ZNF423: variants seen among roughly 807,000 people sequenced by gnomAD.
ZNF423 encodes the protein Ebf-associated zinc finger protein.
ZNF423 carries 12 observed loss-of-function variants against 95.8 expected under a neutral mutation model. The observed-to-expected ratio is 0.13, with a 90% confidence interval of 0.08 to 0.20. The LOEUF (loss-of-function observed/expected upper bound fraction) is 0.20, where lower values mean the gene tolerates loss of function less well. Among genes scored for constraint, ZNF423 ranks in the 10% least tolerant of loss-of-function variants. The pLI is 1.00. For missense variants in ZNF423, 1,316 were observed against 1,737.1 expected (o/e 0.76, Z 4.31); for synonymous variants, 749 against 711.9 (o/e 1.05, Z -0.83).
chr16:49,768,896 C>T (rs891968282), intron 2 of ZNF423, among the ~76,000 whole-genome samples: 7 of 152,190 alleles, frequency 4.6e-5, no homozygotes, highest in Non-Finnish European at 8.8e-5. Context: ...TTTTGAGCCA[C>T]ACCATCCACA....
intron 1 of ZNF423, among the ~76,000 whole-genome samples, chr16:49,819,575 A>G (rs532366745): frequency 6.6e-6 from 1 of 152,094 alleles, no homozygotes; most frequent in South Asian, 2.1e-4. Flanking sequence ...CAGCCTCCCA[A>G]GTAGCTGGGA....
intron 5 of ZNF423, among the ~76,000 whole-genome samples, chr16:49,599,646 T>C (rs1971294677): frequency 6.6e-6 from 1 of 152,078 alleles, no homozygotes; most frequent in Non-Finnish European, 1.5e-5. Flanking sequence ...TTTCCCATAT[T>C]CACACAGTGC....
rs145525922 is a variant in ZNF423 at position 49,750,315 on chromosome 16, T to C, written c.101-19344A>G. On this transcript the variant is annotated intron_variant, in intron 2 of 7. Transcript: ENST00000563137. ...TGTCACTAACATTTAAATATGGGGC[T>C]TCAAGTCATCACCCTCCAGGGGCCA... is the stretch of plus-strand genomic sequence containing the variant. Among the ~76,000 whole-genome samples, 22 of 152,296 alleles carry C rather than the reference T, an allele frequency of 1.4e-4. No homozygotes were observed. In the East Asian group the frequency reaches 4.1e-3, roughly 28 times the overall value.
At chr16:49,700,210 A>AG (rs1567298648) in intron 3 of ZNF423, among the ~76,000 whole-genome samples, 4 of 135,442 alleles carry the variant, frequency 3.0e-5, no homozygotes, top group South Asian at 2.5e-4. Flanking sequence ...AAAAAAAAAA[A>AG]AAAAAAACAA....
At chr16:49,505,687 A>G (rs1967605336) in intron 7 of ZNF423, among the ~76,000 whole-genome samples, 1 of 152,216 alleles carries the variant, frequency 6.6e-6, no homozygotes, top group African/African-American at 2.4e-5. Flanking sequence ...ACGTAGGTGT[A>G]CATCCTTGCC....
intron 5 of ZNF423, among the ~76,000 whole-genome samples, chr16:49,620,793 C>T (rs1162321560): frequency 7.9e-5 from 12 of 152,196 alleles, no homozygotes; most frequent in Non-Finnish European, 1.5e-5. Context: ...TCCAGCCATC[C>T]CCACCCAAAA....
intron 1 of ZNF423, among the ~76,000 whole-genome samples, chr16:49,849,886 A>G (rs2035284403): frequency 6.6e-6 from 1 of 152,268 alleles, no homozygotes; most frequent in African/African-American, 2.4e-5. Context: ...ACCAATCTAT[A>G]ACGCTGGGAG....
chr16:49,688,862 T>C (rs2031669159), intron 3 of ZNF423, among the ~76,000 whole-genome samples: 1 of 152,186 alleles, frequency 6.6e-6, no homozygotes, highest in Non-Finnish European at 1.5e-5. Context: ...GTGGTTGGTG[T>C]CCCATTTCTT....
At chr16:49,705,698 C>A (rs1020750053) in intron 3 of ZNF423, among the ~76,000 whole-genome samples, 1 of 152,136 alleles carries the variant, frequency 6.6e-6, no homozygotes, top group Non-Finnish European at 1.5e-5. Context: ...CAGGTGCCCA[C>A]CACCACGCCA....
intron 5 of ZNF423, among the ~76,000 whole-genome samples, chr16:49,576,267 C>G (rs536767786): frequency 5.9e-5 from 9 of 152,312 alleles, no homozygotes; most frequent in African/African-American, 1.9e-4. Flanking sequence ...GGCTGTGGTC[C>G]CTGTGCTCAG....
At chr16:49,726,808 G>A (rs139942188) in intron 3 of ZNF423, among the ~76,000 whole-genome samples, 1 of 129,402 alleles carries the variant, frequency 7.7e-6, no homozygotes, top group African/African-American at 3.0e-5. Context: ...TGCAACCCAA[G>A]CTTCCTGCCC....
At chr16:49,757,531 G>GA (rs1370690744) in intron 2 of ZNF423, among the ~76,000 whole-genome samples, 1 of 152,234 alleles carries the variant, frequency 6.6e-6, no homozygotes, top group African/African-American at 2.4e-5. Context: ...CCCAGCATTT[G>GA]AAAATCACCA....
chr16:49,747,462 A>G (rs2033549739), intron 2 of ZNF423, among the ~76,000 whole-genome samples: 1 of 152,224 alleles, frequency 6.6e-6, no homozygotes, highest in Admixed American at 6.5e-5. Flanking sequence ...AGGGAAATGA[A>G]GAATTGATAT....
intron 5 of ZNF423, among the ~76,000 whole-genome samples, chr16:49,539,079 C>T (rs1181747975): frequency 1.3e-5 from 2 of 152,056 alleles, no homozygotes; most frequent in Non-Finnish European, 2.9e-5. Flanking sequence ...AGGTGTCATC[C>T]CTATAGACCA....
intron 7 of ZNF423, among the ~76,000 whole-genome samples, chr16:49,496,198 T>C (rs1372332748): frequency 6.6e-6 from 1 of 152,236 alleles, no homozygotes; most frequent in East Asian, 1.9e-4. Context: ...TTACTGGCCA[T>C]GTGGCCTTGG....
At chr16:49,541,349 G>A (rs1162009577) in intron 5 of ZNF423, among the ~76,000 whole-genome samples, 1 of 152,144 alleles carries the variant, frequency 6.6e-6, no homozygotes, top group Non-Finnish European at 1.5e-5. Context: ...CAATCACTCA[G>A]ACTAACAATC....
chr16:49,562,882 G>A (rs1007264740), intron 5 of ZNF423, among the ~76,000 whole-genome samples: 21 of 152,022 alleles, frequency 1.4e-4, no homozygotes, highest in Non-Finnish European at 2.6e-4. Context: ...GGGTTCAAGC[G>A]ATTCTCCTGC....
chr16:49,652,587 A>T (rs543073970), intron 3 of ZNF423, among the ~76,000 whole-genome samples: 93 of 152,274 alleles, frequency 6.1e-4, no homozygotes, highest in African/African-American at 2.2e-3. Context: ...CTTCACAAGG[A>T]GTTGGCGCCT....
intron 5 of ZNF423, among the ~76,000 whole-genome samples, chr16:49,534,731 CTG>C (rs1419389260): frequency 6.6e-6 from 1 of 152,192 alleles, no homozygotes; most frequent in African/African-American, 2.4e-5. Flanking sequence ...CCCTTAGCAC[CTG>C]GGACATTGTG....
Sources: allele counts gnomAD v4.1 joint callset (sites outside exome capture counted in the v4.1 genomes callset), GRCh38; gene constraint gnomAD v4.1.1; transcripts MANE v1.5; gene names NCBI Gene and HGNC (gene_info 2026-07-23, HGNC 2026-07-21).